The following FSHR variants were observed in gnomAD, a reference collection of about 807,000 sequenced individuals.
FSHR encodes the protein follicle-stimulating hormone receptor.
A neutral mutation model predicts 52.1 loss-of-function variants in FSHR; 46 were observed. That is an observed-to-expected ratio of 0.88 (90% CI 0.70 to 1.13). The LOEUF (loss-of-function observed/expected upper bound fraction) is 1.13. Among genes scored for constraint, FSHR ranks in the 50% most tolerant of loss-of-function variants. FSHR has a pLI of 0.00. For synonymous variants in FSHR, 399 were observed against 309.6 expected (o/e 1.29, Z -3.03); for missense variants, 964 against 834.6 (o/e 1.16, Z -1.91).
intron 1 of FSHR, among the ~76,000 whole-genome samples, chr2:49,087,474 C>G (rs1284760437): frequency 6.6e-6 from 1 of 152,134 alleles, no homozygotes; most frequent in Admixed American, 6.5e-5. Context: ...TGACACTGCG[C>G]TAGGCCCTGA....
intron 1 of FSHR, among the ~76,000 whole-genome samples, chr2:49,093,584 ATTATAT>A (rs1670698235): frequency 1.4e-5 from 2 of 146,504 alleles, no homozygotes; most frequent in Non-Finnish European, 3.0e-5. Context: ...TTTCTAAAAC[ATTATAT>A]TTATCTTTTT....
At chr2:49,118,842 AC>A (rs1338893404) in intron 1 of FSHR, among the ~76,000 whole-genome samples, 2 of 152,032 alleles carry the variant, frequency 1.3e-5, no homozygotes, top group Admixed American at 1.3e-4. Context: ...TAAATATTCC[AC>A]CCCTTGGTTT....
At chr2:49,102,493 G>A (rs1043548662) in intron 1 of FSHR, among the ~76,000 whole-genome samples, 3 of 152,126 alleles carry the variant, frequency 2.0e-5, no homozygotes, top group South Asian at 2.1e-4. Flanking sequence ...TTACAAAAAT[G>A]TGAGACTTGG....
intron 1 of FSHR, among the ~76,000 whole-genome samples, chr2:49,126,700 A>C (rs187776634): frequency 6.6e-6 from 1 of 152,350 alleles, no homozygotes; most frequent in African/African-American, 2.4e-5. Flanking sequence ...ATAGAGGAAT[A>C]AACTGAAGCC....
At chr2:49,100,740 G>A (rs778919826) in intron 1 of FSHR, among the ~76,000 whole-genome samples, 1 of 152,206 alleles carries the variant, frequency 6.6e-6, no homozygotes, top group Admixed American at 6.6e-5. Context: ...GAAGAATGTA[G>A]CACTATCAAT....
chr2:49,091,538 C>G (rs1255196365), intron 1 of FSHR, among the ~76,000 whole-genome samples: 2 of 152,238 alleles, frequency 1.3e-5, no homozygotes, highest in Admixed American at 6.5e-5. Flanking sequence ...CTCAAGTGAT[C>G]TGCCCAACTT....
chr2:49,134,460 G>C (rs1446147358), intron 1 of FSHR, among the ~76,000 whole-genome samples: 4 of 152,226 alleles, frequency 2.6e-5, no homozygotes, highest in Admixed American at 2.0e-4. Context: ...CTTTTACACT[G>C]TTGGTGGGAC....
intron 1 of FSHR, among the ~76,000 whole-genome samples, chr2:49,152,298 C>T (rs570597656): frequency 1.4e-4 from 22 of 152,284 alleles, no homozygotes; most frequent in African/African-American, 4.6e-4. Context: ...CTCTCTCACA[C>T]AGTCTCTTTC....
intron 2 of FSHR, among the ~76,000 whole-genome samples, chr2:49,038,142 AAAG>A (rs1343334134): frequency 2.6e-5 from 4 of 152,318 alleles, no homozygotes; most frequent in African/African-American, 4.8e-5. Flanking sequence ...CAGGAGGAAT[AAAG>A]AAGATATTTT....
At chr2:49,128,121 A>G (rs555671414) in intron 1 of FSHR, among the ~76,000 whole-genome samples, 1 of 151,726 alleles carries the variant, frequency 6.6e-6, no homozygotes, top group East Asian at 2.0e-4. Context: ...ATCTGAAGTG[A>G]TCCACCTGCC....
intron 6 of FSHR, among the ~76,000 whole-genome samples, chr2:48,988,562 C>T (rs1294212451): frequency 6.6e-6 from 1 of 152,244 alleles, no homozygotes; most frequent in East Asian, 1.9e-4. Context: ...CTATGCTCAG[C>T]ATGGGCCTGA....
intron 4 of FSHR, among the ~76,000 whole-genome samples, chr2:48,992,097 C>T (rs1486663509): frequency 6.6e-6 from 1 of 151,868 alleles, no homozygotes; most frequent in African/African-American, 2.4e-5. Context: ...TTAATTACTT[C>T]AACAGCCCTT....
intron 6 of FSHR, 113 bp downstream of exon 6, chr2:48,988,864 A>T (rs1015549672): frequency 1.0e-5 from 8 of 797,102 alleles, no homozygotes; most frequent in Non-Finnish European, 1.7e-5. Flanking sequence ...GAGTGATTTA[A>T]GTGGAGAAAT....
At chr2:49,060,921 G>T (rs11680730) in intron 2 of FSHR, among the ~76,000 whole-genome samples, 52,556 of 151,898 alleles carry the variant, frequency 0.35, 9,713 homozygotes, top group East Asian at 0.49. Flanking sequence ...CCATTCCAGG[G>T]TCTATGGTCA....
intron 1 of FSHR, among the ~76,000 whole-genome samples, chr2:49,132,946 A>T (rs1176255753): frequency 6.9e-6 from 1 of 144,084 alleles, no homozygotes; most frequent in Non-Finnish European, 1.5e-5. Context: ...ACATTTATTC[A>T]AGAACATTTA....
intron 1 of FSHR, among the ~76,000 whole-genome samples, chr2:49,130,611 C>G (rs1215276354): frequency 6.6e-6 from 1 of 152,204 alleles, no homozygotes; most frequent in Non-Finnish European, 1.5e-5. Context: ...ATAACAGTTT[C>G]AGACCTATGC....
intron 1 of FSHR, among the ~76,000 whole-genome samples, chr2:49,129,722 A>G (rs1672198036): frequency 6.6e-6 from 1 of 152,208 alleles, no homozygotes; most frequent in African/African-American, 2.4e-5. Flanking sequence ...ATACATAAAT[A>G]TAAATATGAG....
chr2:49,140,273 A>C (rs1305359115), intron 1 of FSHR, among the ~76,000 whole-genome samples: 1 of 151,856 alleles, frequency 6.6e-6, no homozygotes, highest in African/African-American at 2.4e-5. Flanking sequence ...AGTTCACACA[A>C]ATCTGGTCGT....
At chr2:49,133,956 C>T (rs891066384) in intron 1 of FSHR, among the ~76,000 whole-genome samples, 4 of 151,998 alleles carry the variant, frequency 2.6e-5, no homozygotes, top group Non-Finnish European at 5.9e-5. Flanking sequence ...GATGTAAAAC[C>T]TAAAAACCCT....
Sources: allele counts gnomAD v4.1 joint callset (sites outside exome capture counted in the v4.1 genomes callset), GRCh38; gene constraint gnomAD v4.1.1; transcripts MANE v1.5; gene names NCBI Gene and HGNC (gene_info 2026-07-23, HGNC 2026-07-21).